The following ANK1 variants were observed in gnomAD, a reference collection of about 807,000 sequenced individuals.
ANK1 encodes the protein ankyrin 1.
A neutral mutation model predicts 210.4 loss-of-function variants in ANK1; 51 were observed. The ratio of observed to expected loss-of-function variants is 0.24; its 90% CI spans 0.19 to 0.31. ANK1 has a LOEUF of 0.31. ANK1 is among the 10% of genes least tolerant of loss of function. The probability of loss-of-function intolerance (pLI) is 1.00; values close to 1 mark genes in which losing one functional copy is unlikely to be tolerated. For synonymous variants in ANK1, 967 were observed against 1,025.9 expected, an observed-to-expected ratio of 0.94 and a Z score of 1.10; for missense variants, 2,051 against 2,504.4, an observed-to-expected ratio of 0.82 and a Z score of 3.86.
chr8:41,674,368 C>G (rs1211825359), intron 37 of ANK1, among the ~76,000 whole-genome samples: 1 of 152,248 alleles, frequency 6.6e-6, no homozygotes, highest in African/African-American at 2.4e-5. Flanking sequence ...CTTCTTGTCT[C>G]ATGGCATTTT....
At chr8:41,710,872 A>T (rs896938592) in intron 16 of ANK1, among the ~76,000 whole-genome samples, 2 of 152,244 alleles carry the variant, frequency 1.3e-5, no homozygotes, top group African/African-American at 4.8e-5. Flanking sequence ...GTACAGGGAA[A>T]GCTCAGCAAG....
At position 41,694,298 on chromosome 8, in the gene ANK1, C is replaced by T. The variant is rs1387027603; in HGVS notation, c.3328-196G>A. On this transcript the variant is annotated intron_variant, in intron 28 of 42. Transcript: ENST00000289734. The surrounding 1 kb of genome is among the most constrained non-coding windows in gnomAD (Gnocchi z 5.7). The stretch of plus-strand genomic sequence containing the variant: ...TCTCCTCTGCTTCTTACTCCCAGGG[C>T]TGGTGCATCTTTGCTAGCACCACAG... 6.6e-6 allele frequency among the ~76,000 whole-genome samples: 1 copy of T among 152,214 alleles called. No individual in the cohort carries two copies. The highest frequency in any genetic ancestry group is 1.5e-5 in the Non-Finnish European group (1 of 68,036).
exon 1 of ANK1, chr8:41,896,567 G>A: frequency 1.3e-6 from 2 of 1,492,996 alleles, no homozygotes; most frequent in Admixed American, 4.3e-5. Context: ...AGGGGAAGGG[G>A]GTCTCTGCTC....
chr8:41,869,440 C>T (rs1030422336), intron 1 of ANK1, among the ~76,000 whole-genome samples: 1 of 152,152 alleles, frequency 6.6e-6, no homozygotes, highest in African/African-American at 2.4e-5. Flanking sequence ...ATTAGCCTGG[C>T]GTGGTGGCTC....
Position 41,715,049 on chromosome 8 carries a change from G to A in ANK1, c.1628C>T (p.Ala543Val), listed in dbSNP as rs369233964. 37 of 1,614,010 alleles carry A rather than the reference G, an allele frequency of 2.3e-5. No homozygotes were observed. Among genetic ancestry groups the A allele is most frequent in the East Asian group, 1.1e-4 (5 of 44,890 alleles). Residue 543 changes from alanine to valine, a missense_variant, in exon 15 of 43, where the codon GCG becomes GTG. Physicochemically the swap from Ala to Val is moderately conservative, Grantham distance 64. Transcript: ENST00000289734. ...TKKGFTPLHV[A>V]AKYGKVRVAE... ...CACCCGCACCTTCCCGTACTTGGCC[G>A]CCACGTGCAGAGGGGTAAATCCTTT...
intron 2 of ANK1, among the ~76,000 whole-genome samples, chr8:41,749,839 T>C (rs912745233): frequency 6.6e-6 from 1 of 152,070 alleles, no homozygotes; most frequent in Non-Finnish European, 1.5e-5. Context: ...CTCGAACTCC[T>C]GACCTCAGGT....
chr8:41,821,671 C>T (rs529020502), intron 1 of ANK1, among the ~76,000 whole-genome samples: 2 of 152,340 alleles, frequency 1.3e-5, no homozygotes, highest in African/African-American at 4.8e-5. Context: ...TGCTTTTCCC[C>T]TAACCAGTGA....
intron 23 of ANK1, 117 bp downstream of exon 23, chr8:41,699,335 G>T: frequency 1.1e-6 from 1 of 950,584 alleles, no homozygotes; most frequent in Non-Finnish European, 1.7e-6. Flanking sequence ...GTCTCTCTCT[G>T]CGGGCAGCGA....
chr8:41,693,035 C>G (rs1819719371), intron 30 of ANK1, 70 bp downstream of exon 30: 3 of 1,536,400 alleles, frequency 2.0e-6, no homozygotes, highest in African/African-American at 2.7e-5. Context: ...GCCTCAGCCT[C>G]AGGCCTGGAC....
chr8:41,701,336 T>C (rs1822728934), intron 22 of ANK1, among the ~76,000 whole-genome samples: 1 of 152,240 alleles, frequency 6.6e-6, no homozygotes, highest in African/African-American at 2.4e-5. Flanking sequence ...GGATTTTAAA[T>C]TTAGTCAATG....
At chr8:41,717,320 A>G (rs1405626920) in intron 12 of ANK1, among the ~76,000 whole-genome samples, 1 of 152,204 alleles carries the variant, frequency 6.6e-6, no homozygotes, top group African/African-American at 2.4e-5. Context: ...TTAAAAGTAA[A>G]CCCCAGAGCT....
At chr8:41,892,009 C>T (rs2150838369) in intron 1 of ANK1, among the ~76,000 whole-genome samples, 1 of 152,222 alleles carries the variant, frequency 6.6e-6, no homozygotes, top group East Asian at 1.9e-4. Flanking sequence ...GTGATGAGCA[C>T]TGTTCTCTTT....
intron 1 of ANK1, among the ~76,000 whole-genome samples, chr8:41,833,392 C>T (rs1807042603): frequency 6.6e-6 from 1 of 152,138 alleles, no homozygotes; most frequent in Non-Finnish European, 1.5e-5. Flanking sequence ...GGGGGTGGTG[C>T]CTCCTTTCTG....
chr8:41,864,470 G>A (rs975860734), intron 1 of ANK1, among the ~76,000 whole-genome samples: 2 of 152,060 alleles, frequency 1.3e-5, no homozygotes, highest in African/African-American at 4.8e-5. Flanking sequence ...GCTGCTGGCC[G>A]CGTGCTGAGT....
In ANK1 at chr8:41,715,653, T is replaced by A; in HGVS notation, c.1601A>T (p.Lys534Met). The A allele has an allele frequency of 6.2e-7, 1 of 1,613,210 alleles. No individual in the cohort carries two copies. The highest frequency in any genetic ancestry group is 8.5e-7 in the Non-Finnish European group (1 of 1,179,952). The part of the protein sequence containing the change: ...EKEASQACMT[K>M]KGFTPLHVAA... The stretch of plus-strand genomic sequence containing the variant: ...AGACCACGAGGCGGGAGGCTGTACC[T>A]TGGTCATGCAGGCCTGGGATGCTTC... Residue 534 changes from lysine to methionine, a missense_variant and splice_region_variant, in exon 14 of 43, where the codon AAG becomes ATG. Around this residue, in one of 6 missense-constraint regions of ANK1, gnomAD observed 1,413 missense variants for 1,707.4 expected, o/e 0.83. Transcript: ENST00000289734.
At chr8:41,690,073 T>A (rs973458825) in intron 33 of ANK1, among the ~76,000 whole-genome samples, 154 bp downstream of exon 33, 1 of 152,204 alleles carries the variant, frequency 6.6e-6, no homozygotes, top group Admixed American at 6.5e-5. Context: ...AACATGAGCA[T>A]GTGGAGGAGA....
chr8:41,665,190 G>C (rs1482699493), intron 39 of ANK1: 1 of 1,532,286 alleles, frequency 6.5e-7, no homozygotes, highest in East Asian at 2.5e-5. Context: ...TTCTCTCTCT[G>C]TGGGCAGGAC....
rs139556511 is a variant in ANK1 at position 41,859,685 on chromosome 8, A to G, written c.126+36670T>C. On this transcript the variant is annotated intron_variant, in intron 1 of 42. Coordinates refer to the ANK1 transcript ENST00000265709. ...TTGACAGTTACAGACTCTGTGCTCA[A>G]TAAACACTTATTGATTGATTGATTT... Among the ~76,000 whole-genome samples, 4 of 152,366 alleles carry G rather than the reference A, an allele frequency of 2.6e-5. No individual in the cohort carries two copies. In the East Asian group the frequency reaches 5.8e-4, roughly 22 times the overall value.
At chr8:41,872,193 G>T (rs1031449193) in intron 1 of ANK1, among the ~76,000 whole-genome samples, 1 of 152,176 alleles carries the variant, frequency 6.6e-6, no homozygotes, top group Non-Finnish European at 1.5e-5. Flanking sequence ...CAGAGGAGAG[G>T]AGCCGACCCC....
Sources: allele counts gnomAD v4.1 joint callset (sites outside exome capture counted in the v4.1 genomes callset), GRCh38; gene constraint gnomAD v4.1.1; regional missense constraint gnomAD v4.1.1; non-coding constraint Gnocchi (gnomAD v3.1); transcripts MANE v1.5; gene names NCBI Gene and HGNC (gene_info 2026-07-23, HGNC 2026-07-21).